The following PTPRK variants were observed in gnomAD, a reference collection of about 807,000 sequenced individuals.
The protein encoded by PTPRK is protein tyrosine phosphatase receptor type K, also known as receptor-type tyrosine-protein phosphatase kappa.
Under a neutral mutation model 178.0 loss-of-function variants are expected in PTPRK, and 75 were observed. That is an observed-to-expected ratio of 0.42 (90% CI 0.35 to 0.51). PTPRK has a LOEUF of 0.51. Among genes scored for constraint, PTPRK ranks in the 20% least tolerant of loss-of-function variants. PTPRK has a pLI of 0.02. For synonymous variants in PTPRK, 637 were observed against 620.6 expected, an observed-to-expected ratio of 1.03 and a Z score of -0.39; for missense variants, 1,441 against 1,797.8, an observed-to-expected ratio of 0.80 and a Z score of 3.59.
intron 2 of PTPRK, among the ~76,000 whole-genome samples, chr6:128,326,833 C>A (rs141437991): frequency 1.4e-4 from 21 of 151,982 alleles, no homozygotes; most frequent in African/African-American, 5.1e-4. Flanking sequence ...TAGATTTGCA[C>A]ATTTTTATTA....
intron 7 of PTPRK, among the ~76,000 whole-genome samples, chr6:128,177,050 C>A (rs1392387889): frequency 2.0e-5 from 3 of 151,648 alleles, no homozygotes; most frequent in Non-Finnish European, 3.0e-5. Context: ...GAAGTAAATT[C>A]TCTAGGTAAA....
chr6:128,495,480 T>C (rs551217736), intron 1 of PTPRK, among the ~76,000 whole-genome samples: 2 of 152,134 alleles, frequency 1.3e-5, no homozygotes, highest in South Asian at 4.1e-4. Context: ...CCTCCTTAAA[T>C]GTTACAGTTC....
At chr6:128,284,743 C>G (rs1213346231) in intron 3 of PTPRK, among the ~76,000 whole-genome samples, 1 of 152,110 alleles carries the variant, frequency 6.6e-6, no homozygotes, top group Non-Finnish European at 1.5e-5. Context: ...AGAAGCGTCA[C>G]CTTCCCTGTA....
chr6:128,409,458 A>G (rs1842050510), intron 1 of PTPRK: 2 of 277,382 alleles, frequency 7.2e-6, no homozygotes. Context: ...GTAAATATGT[A>G]TATTTTCATT....
chr6:128,161,972 A>G (rs960805633), intron 7 of PTPRK, among the ~76,000 whole-genome samples: 3 of 151,644 alleles, frequency 2.0e-5, no homozygotes, highest in Non-Finnish European at 3.0e-5. Flanking sequence ...AAACTGCATA[A>G]TATAATCTAA....
chr6:128,387,640 T>G (rs755220051), intron 2 of PTPRK, among the ~76,000 whole-genome samples: 2 of 152,168 alleles, frequency 1.3e-5, no homozygotes, highest in South Asian at 2.1e-4. Context: ...CTTGACTCTT[T>G]CTTCGTTTTG....
At chr6:128,147,975 T>C (rs985819439) in intron 7 of PTPRK, among the ~76,000 whole-genome samples, 2 of 151,774 alleles carry the variant, frequency 1.3e-5, no homozygotes, top group African/African-American at 4.9e-5. Flanking sequence ...TGTATGATAG[T>C]AATGTGATGG....
chr6:128,041,721 T>C (rs9482866), intron 13 of PTPRK, among the ~76,000 whole-genome samples: 33,189 of 151,624 alleles, frequency 0.22, 4,709 homozygotes, highest in African/African-American at 0.4. Context: ...GATGATAATA[T>C]CAACAAATTA....
intron 1 of PTPRK, among the ~76,000 whole-genome samples, chr6:128,509,462 GCATT>G: frequency 6.6e-6 from 1 of 151,556 alleles, no homozygotes; most frequent in Non-Finnish European, 1.5e-5. Flanking sequence ...AATATATGAA[GCATT>G]TATTTATTGT....
chr6:128,109,198 T>A (rs1040391208), intron 7 of PTPRK, among the ~76,000 whole-genome samples: 48 of 152,266 alleles, frequency 3.2e-4, no homozygotes, highest in African/African-American at 1.1e-3. Flanking sequence ...GCCTTCTAAA[T>A]GAGTCCTATG....
chr6:128,157,255 C>A (rs1798071184), intron 7 of PTPRK, among the ~76,000 whole-genome samples: 1 of 152,004 alleles, frequency 6.6e-6, no homozygotes, highest in Admixed American at 6.6e-5. Flanking sequence ...TCTTTCAACA[C>A]TACTGCATCC....
At chr6:128,181,497 T>C (rs1436283735) in intron 7 of PTPRK, among the ~76,000 whole-genome samples, 1 of 152,090 alleles carries the variant, frequency 6.6e-6, no homozygotes, top group African/African-American at 2.4e-5. Context: ...GGTTTATAAA[T>C]CTAGTATTCA....
At chr6:128,196,409 T>C (rs557213713) in intron 6 of PTPRK, among the ~76,000 whole-genome samples, 21 of 152,122 alleles carry the variant, frequency 1.4e-4, no homozygotes, top group Non-Finnish European at 2.8e-4. Flanking sequence ...ATAATATTTT[T>C]AAGATGCTTA....
chr6:128,434,681 T>C (rs2128396097), intron 1 of PTPRK, among the ~76,000 whole-genome samples: 1 of 152,296 alleles, frequency 6.6e-6, no homozygotes, highest in Admixed American at 6.5e-5. Flanking sequence ...TGGAATCTTT[T>C]TTATGCTGGT....
intron 7 of PTPRK, among the ~76,000 whole-genome samples, chr6:128,091,824 CATTTT>C (rs1787009755): frequency 1.3e-5 from 2 of 152,106 alleles, no homozygotes; most frequent in South Asian, 4.1e-4. Context: ...CAGTTCTTTT[CATTTT>C]GTCTATTTAG....
At chr6:128,410,138 T>G (rs1842137801) in intron 1 of PTPRK, among the ~76,000 whole-genome samples, 1 of 152,182 alleles carries the variant, frequency 6.6e-6, no homozygotes, top group Non-Finnish European at 1.5e-5. Context: ...AAGTAAGACA[T>G]GAAAATCATG....
intron 6 of PTPRK, among the ~76,000 whole-genome samples, chr6:128,197,129 T>C (rs1288637021): frequency 6.6e-6 from 1 of 151,998 alleles, no homozygotes; most frequent in Non-Finnish European, 1.5e-5. Context: ...CTGAAGGGTA[T>C]CAATTCCTGC....
chr6:128,021,402 C>G (rs1773480925), intron 13 of PTPRK, among the ~76,000 whole-genome samples: 1 of 152,064 alleles, frequency 6.6e-6, no homozygotes, highest in Admixed American at 6.6e-5. Flanking sequence ...TCTGGGAGGC[C>G]GAGGCTGGTG....
chr6:128,126,648 G>T (rs1793425549), intron 7 of PTPRK, among the ~76,000 whole-genome samples: 2 of 151,944 alleles, frequency 1.3e-5, no homozygotes, highest in African/African-American at 4.8e-5. Context: ...CTCCACACTT[G>T]GATAATTAAA....
Sources: allele counts gnomAD v4.1 joint callset (sites outside exome capture counted in the v4.1 genomes callset), GRCh38; gene constraint gnomAD v4.1.1; transcripts MANE v1.5; gene names NCBI Gene and HGNC (gene_info 2026-07-23, HGNC 2026-07-21).